The following ATAD2 variants were observed in gnomAD, a reference collection of about 807,000 sequenced individuals.
ATAD2 encodes the protein ATPase family AAA domain-containing protein 2.
Under a neutral mutation model 168.9 loss-of-function variants are expected in ATAD2, and 62 were observed. The observed-to-expected ratio is 0.37, with a 90% CI of 0.30 to 0.45. The LOEUF is 0.45. Ranked by LOEUF, ATAD2 falls within the 20% of genes least tolerant of loss-of-function variation. The pLI, the probability that ATAD2 is intolerant of heterozygous loss-of-function variation, is 1.00. For synonymous variants in ATAD2, 613 were observed against 571.6 expected (o/e 1.07, Z -1.03); for missense variants, 1,419 against 1,667.8 (o/e 0.85, Z 2.60).
At chr8:123,396,074 C>A in intron 1 of ATAD2, 113 bp downstream of exon 1, 1 of 1,225,592 alleles carries the variant, frequency 8.2e-7, no homozygotes, top group Non-Finnish European at 1.1e-6. Flanking sequence ...CACTTCTCCC[C>A]CGACAACTGT....
At chr8:123,337,534 T>G in intron 21 of ATAD2, 91 bp downstream of exon 21, 1 of 1,219,892 alleles carries the variant, frequency 8.2e-7, no homozygotes. Context: ...TAGTTAAGAG[T>G]GTAGGCAGAA....
chr8:123,329,559 G>A (rs942176671), intron 24 of ATAD2, among the ~76,000 whole-genome samples: 3 of 151,816 alleles, frequency 2.0e-5, no homozygotes, highest in African/African-American at 4.8e-5. Context: ...TCAGGTGATC[G>A]AGACCATCCT....
chr8:123,370,087 T>A, intron 6 of ATAD2, 63 bp from the exon 7 acceptor site: 1 of 1,463,364 alleles, frequency 6.8e-7, no homozygotes, highest in Non-Finnish European at 9.4e-7. Flanking sequence ...ATTTTTAACA[T>A]AGGTGAGTTG....
At chr8:123,405,291 T>C (rs893015888) in intron 1 of ATAD2, among the ~76,000 whole-genome samples, 2 of 151,244 alleles carry the variant, frequency 1.3e-5, no homozygotes, top group South Asian at 2.1e-4. Context: ...AGTTTTGCTC[T>C]TGTTGCCCAG....
At chr8:123,346,873 G>T in intron 16 of ATAD2, 123 bp from the exon 17 acceptor site, 2 of 1,182,996 alleles carry the variant, frequency 1.7e-6, no homozygotes, top group Non-Finnish European at 2.4e-6. Context: ...TATTTGTGTA[G>T]ATATGAATTA....
rs143881724 is a variant in ATAD2 at position 123,385,032 on chromosome 8, T to C, written c.172-4355A>G. 3.1e-3 allele frequency among the ~76,000 whole-genome samples: 468 copies of C among 152,338 alleles called. 6 individuals are homozygous for C. The highest frequency in any genetic ancestry group is 0.028 in the Admixed American group (433 of 15,298). The stretch of plus-strand genomic sequence containing the variant: ...AACTTGTTTATATTTTAATTGTATA[T>C]AAACGTTTTTAAAGAAATATGTAAT... On this transcript the variant is annotated intron_variant, in intron 1 of 27. Transcript: ENST00000287394.
chr8:123,383,464 G>T (rs1398269787), intron 1 of ATAD2, among the ~76,000 whole-genome samples: 4 of 152,152 alleles, frequency 2.6e-5, no homozygotes, highest in Admixed American at 2.6e-4. Context: ...AAAAACACTG[G>T]TGTAGGTGTT....
At chr8:123,399,080 G>A (rs1812964314), upstream of ATAD2, among the ~76,000 whole-genome samples, 1 of 152,054 alleles carries the variant, frequency 6.6e-6, no homozygotes, top group Non-Finnish European at 1.5e-5. Context: ...GGTCAACATG[G>A]TGAAACCCCG....
At chr8:123,343,043 G>C (rs997098070) in intron 19 of ATAD2, among the ~76,000 whole-genome samples, 1 of 150,012 alleles carries the variant, frequency 6.7e-6, no homozygotes, top group African/African-American at 2.5e-5. Context: ...GGAGTGCAAT[G>C]GTGGGATCTT....
At chr8:123,337,851 G>C (rs776989368) in intron 20 of ATAD2, 30 bp from the exon 21 acceptor site, 2 of 1,555,914 alleles carry the variant, frequency 1.3e-6, no homozygotes, top group African/African-American at 1.4e-5. Context: ...TTTAGTTACT[G>C]CTCCTCCATA....
chr8:123,338,805 G>A (rs1461857899), intron 20 of ATAD2, among the ~76,000 whole-genome samples: 1 of 152,168 alleles, frequency 6.6e-6, no homozygotes, highest in African/African-American at 2.4e-5. Context: ...AGGCTGAGGT[G>A]GGAGGATGCT....
At chr8:123,377,690 T>A (rs1482103972) in intron 2 of ATAD2, among the ~76,000 whole-genome samples, 1 of 152,214 alleles carries the variant, frequency 6.6e-6, no homozygotes, top group African/African-American at 2.4e-5. Flanking sequence ...TTGCTATATA[T>A]ACTGCTGTGT....
At chr8:123,408,650 G>A (rs992318440) in intron 1 of ATAD2, among the ~76,000 whole-genome samples, 2 of 152,134 alleles carry the variant, frequency 1.3e-5, no homozygotes, top group African/African-American at 4.8e-5. Flanking sequence ...CCAAGTAGCT[G>A]AGATTACAGG....
upstream of ATAD2, among the ~76,000 whole-genome samples, chr8:123,397,341 T>C (rs1812903287): frequency 6.6e-6 from 1 of 151,978 alleles, no homozygotes; most frequent in Non-Finnish European, 1.5e-5. Context: ...TTTTTATACG[T>C]ATCTCGGAAT....
At chr8:123,337,477 A>G in intron 21 of ATAD2, 148 bp downstream of exon 21, 1 of 627,956 alleles carries the variant, frequency 1.6e-6, no homozygotes, top group South Asian at 4.1e-5. Context: ...TAAAGTCTAC[A>G]TGTGCTTAGG....
In ATAD2 at chr8:123,370,987, T is replaced by C. The variant is rs1421411349; in HGVS notation, c.643A>G (p.Asn215Asp). The change falls in exon 6 of 28, where the codon AAT becomes GAT. Residue 215 changes from asparagine (N) to aspartate (D), a missense_variant. Asn to Asp is a conservative substitution (Grantham distance 23). Transcript: ENST00000287394. The stretch of plus-strand genomic sequence containing the variant: ...TTTCCTCTTGTGTACATATTAAGAT[T>C]GCTCTAAAAATGTTTAAATAAAAGC... ...LGVFNETEES[N>D]LNMYTRGKQK... 6.4e-7 allele frequency: 1 copy of C among 1,571,216 alleles called. No homozygotes were observed. The highest frequency in any genetic ancestry group is 1.2e-5 in the South Asian group (1 of 85,050).
chr8:123,389,626 C>A (rs1829756066), intron 1 of ATAD2, among the ~76,000 whole-genome samples: 1 of 151,062 alleles, frequency 6.6e-6, no homozygotes. Context: ...GGCGACAGAG[C>A]AAGGCTCCGT....
chr8:123,321,054 T>C lies in ATAD2; in HGVS notation c.*80A>G. The C allele has an allele frequency of 8.2e-7, 1 of 1,222,248 alleles. No homozygotes were observed. The highest frequency in any genetic ancestry group is 1.3e-5 in the South Asian group (1 of 77,230). The allele number at this position is 1,222,248 out of a possible 1,614,324, so 75.7% of individuals were successfully genotyped here. On this transcript the variant is annotated 3_prime_UTR_variant, in exon 28 of 28. Transcript: ENST00000287394. ...TTTTCCTTAAAGATGCAGGGTTTCA[T>C]ACTACATCAATTAGGCGGACATGAC... is the stretch of plus-strand genomic sequence containing the variant.
chr8:123,345,379 T>G (rs183841936), intron 18 of ATAD2, among the ~76,000 whole-genome samples: 2 of 152,128 alleles, frequency 1.3e-5, no homozygotes, highest in African/African-American at 4.8e-5. Context: ...AATGTTAATA[T>G]AGCCAGGCGC....
Sources: allele counts gnomAD v4.1 joint callset (sites outside exome capture counted in the v4.1 genomes callset), GRCh38; gene constraint gnomAD v4.1.1; transcripts MANE v1.5; gene names NCBI Gene and HGNC (gene_info 2026-07-23, HGNC 2026-07-21).